Variants in XRCC4 observed in about 807,000 individuals in gnomAD.
XRCC4 encodes DNA repair protein XRCC4.
Under a neutral mutation model 39.1 loss-of-function variants are expected in XRCC4, and 28 were observed. The observed-to-expected ratio is 0.72, with a 90% CI of 0.53 to 0.98. The LOEUF is 0.98. XRCC4 is among the 50% of genes least tolerant of loss of function. The pLI is 0.00. For missense variants in XRCC4, 350 were observed against 376.4 expected, an observed-to-expected ratio of 0.93 and a Z score of 0.58; for synonymous variants, 123 against 126.4, an observed-to-expected ratio of 0.97 and a Z score of 0.18.
intron 1 of XRCC4, among the ~76,000 whole-genome samples, chr5:83,097,023 T>G (rs1010443092): frequency 2.0e-5 from 3 of 152,184 alleles, no homozygotes; most frequent in Non-Finnish European, 4.4e-5. Flanking sequence ...TAAATTTTAG[T>G]CCATTTTGAG....
chr5:83,347,229 T>C (rs1177152723), intron 7 of XRCC4, among the ~76,000 whole-genome samples: 1 of 152,186 alleles, frequency 6.6e-6, no homozygotes, highest in African/African-American at 2.4e-5. Context: ...AATGATCACA[T>C]TTTTGTAAAA....
At chr5:83,124,624 A>G (rs1039864705) in intron 3 of XRCC4, among the ~76,000 whole-genome samples, 1 of 152,116 alleles carries the variant, frequency 6.6e-6, no homozygotes, top group Non-Finnish European at 1.5e-5. Context: ...ATAAATTTTC[A>G]TTTATTTAGT....
At chr5:83,223,189 A>G (rs758687386) in intron 6 of XRCC4, among the ~76,000 whole-genome samples, 11 of 152,058 alleles carry the variant, frequency 7.2e-5, no homozygotes, top group Admixed American at 2.0e-4. Context: ...TGTCAAGTCT[A>G]TTTGGTCTAA....
At chr5:83,197,607 G>A (rs186127871) in intron 4 of XRCC4, among the ~76,000 whole-genome samples, 65 of 152,280 alleles carry the variant, frequency 4.3e-4, no homozygotes, top group African/African-American at 1.5e-3. Flanking sequence ...GTGTGTGTGA[G>A]GGGCACATAT....
the XRCC4 span, among the ~76,000 whole-genome samples, chr5:83,373,246 G>A: frequency 1.3e-5 from 2 of 152,006 alleles, no homozygotes; most frequent in African/African-American, 2.4e-5. Context: ...AAGGCTCCCT[G>A]TGCACCCTCA....
At chr5:83,152,650 A>AG (rs1341651181) in intron 3 of XRCC4, among the ~76,000 whole-genome samples, 2 of 151,150 alleles carry the variant, frequency 1.3e-5, no homozygotes, top group African/African-American at 4.9e-5. Flanking sequence ...AAAAAAAAAA[A>AG]AAAGAAATAG....
intron 3 of XRCC4, among the ~76,000 whole-genome samples, chr5:83,116,384 A>G (rs1480880705): frequency 6.6e-6 from 1 of 152,156 alleles, no homozygotes; most frequent in Non-Finnish European, 1.5e-5. Flanking sequence ...ATTTATTGCC[A>G]TCAGTTCAAG....
intron 6 of XRCC4, among the ~76,000 whole-genome samples, chr5:83,205,856 A>G (rs1320499574): frequency 6.6e-6 from 1 of 151,690 alleles, no homozygotes; most frequent in Non-Finnish European, 1.5e-5. Context: ...CTATCAGAAA[A>G]GGCCTCAGTG....
intron 7 of XRCC4, among the ~76,000 whole-genome samples, chr5:83,315,154 T>C (rs1193860838): frequency 2.0e-5 from 3 of 152,152 alleles, no homozygotes; most frequent in Non-Finnish European, 2.9e-5. Flanking sequence ...GTAGTTTGAA[T>C]GGTCTGGATA....
intron 1 of XRCC4, chr5:83,077,893 T>G (rs1217302481): frequency 1.3e-5 from 2 of 156,300 alleles, no homozygotes; most frequent in African/African-American, 4.8e-5. Context: ...GAAGCACTTT[T>G]GAAATGCTCT....
chr5:83,086,254 G>A (rs895278580), intron 1 of XRCC4, among the ~76,000 whole-genome samples: 6 of 152,140 alleles, frequency 3.9e-5, no homozygotes, highest in Non-Finnish European at 7.4e-5. Context: ...CAATATAGGG[G>A]TTAGGGATGC....
In XRCC4 at chr5:83,104,732, G is replaced by A. The variant is rs115908589; in HGVS notation, c.-10-178G>A. ...TATTGAAGAAAACTGTGAATTTACT[G>A]AATGTATTATTTACTGAATTTAATG... On this transcript the variant is annotated intron_variant, in intron 1 of 7. Coordinates refer to ENST00000396027, the MANE Select transcript of XRCC4 (RefSeq NM_003401.5). Among the ~76,000 whole-genome samples the A allele has an allele frequency of 3.7e-3, 557 of 152,248 alleles. 5 individuals carry two copies. The highest frequency in any genetic ancestry group is 0.013 in the African/African-American group (541 of 41,538).
intron 6 of XRCC4, among the ~76,000 whole-genome samples, chr5:83,211,371 T>A (rs1389192346): frequency 2.0e-5 from 3 of 152,180 alleles, no homozygotes; most frequent in African/African-American, 7.2e-5. Context: ...AGCAGCATTG[T>A]CAGTAGAAGT....
At chr5:83,159,809 G>A (rs1043945602) in intron 3 of XRCC4, among the ~76,000 whole-genome samples, 5 of 152,094 alleles carry the variant, frequency 3.3e-5, no homozygotes, top group African/African-American at 1.2e-4. Context: ...ACACTTTGGT[G>A]TTATTTCCAA....
intron 3 of XRCC4, among the ~76,000 whole-genome samples, chr5:83,164,868 A>C (rs545115282): frequency 3.9e-5 from 6 of 152,282 alleles, no homozygotes; most frequent in African/African-American, 1.4e-4. Context: ...AGAGTAAGCT[A>C]TAAGTAGTTG....
At chr5:83,205,945 A>C (rs1751403936) in intron 6 of XRCC4, among the ~76,000 whole-genome samples, 1 of 152,110 alleles carries the variant, frequency 6.6e-6, no homozygotes, top group Non-Finnish European at 1.5e-5. Flanking sequence ...ACAAAAAAAC[A>C]CTAAGTACAA....
chr5:83,131,249 G>T (rs1747563811), intron 3 of XRCC4, among the ~76,000 whole-genome samples: 1 of 152,166 alleles, frequency 6.6e-6, no homozygotes. Context: ...TCAGGGGCAG[G>T]TTGTTCAGTT....
At chr5:83,270,639 A>G (rs1184715298) in intron 7 of XRCC4, among the ~76,000 whole-genome samples, 1 of 151,922 alleles carries the variant, frequency 6.6e-6, no homozygotes, top group East Asian at 1.9e-4. Context: ...TCCCTTTCCT[A>G]GAGTATTCCA....
At chr5:83,292,122 TAG>T (rs1252562037) in intron 7 of XRCC4, among the ~76,000 whole-genome samples, 1 of 151,760 alleles carries the variant, frequency 6.6e-6, no homozygotes, top group Non-Finnish European at 1.5e-5. Flanking sequence ...CAGCATCTCA[TAG>T]AGTTTGTTCC....
Sources: gnomAD v4.1 joint callset for allele counts (sites outside exome capture counted in the v4.1 genomes callset) on GRCh38, gnomAD v4.1.1 for gene constraint, MANE v1.5 for transcripts, NCBI Gene and HGNC (gene_info 2026-07-23, HGNC 2026-07-21) for gene names.